The following REV1 variants were observed in gnomAD, a reference collection of about 807,000 sequenced individuals.
REV1 encodes REV1 DNA directed polymerase.
A neutral mutation model predicts 137.4 loss-of-function variants in REV1; 42 were observed. That is an observed-to-expected ratio of 0.31 (90% CI 0.24 to 0.40). The LOEUF is 0.40. REV1 is among the 10% of genes least tolerant of loss of function. The pLI is 1.00. For synonymous variants in REV1, 524 were observed against 519.2 expected (o/e 1.01, Z -0.12); for missense variants, 1,282 against 1,490.1 (o/e 0.86, Z 2.30).
rs770204183 is a variant in REV1 at position 99,452,806 on chromosome 2, C to T, written c.182-3302G>A. Among the ~76,000 whole-genome samples the T allele has an allele frequency of 4.5e-4, 69 of 152,182 alleles. 2 individuals are homozygous for T. The highest frequency in any genetic ancestry group is 1.0e-4 in the Non-Finnish European group (7 of 68,040). ...TACAAGTGGTATAAATACTTAAAAT[C>T]TCAAAACACTTATTCACTCACTCAC... On this transcript the variant is annotated intron_variant, in intron 3 of 22. Transcript: ENST00000258428.
Position 99,439,301 on chromosome 2 carries a change from G to T in REV1, c.513C>A (p.Ile171=). The T allele has an allele frequency of 3.1e-6, 5 of 1,602,966 alleles. No individual in the cohort carries two copies. The East Asian group carries it at 6.7e-5, about 22-fold the overall frequency. ...CATTTTCCGTTTCAATCTTCTTAAC[G>T]ATGTGATTTCTAAAGCAGGAAAAAA... ...AKQLNNRVNH[I]VKKIETENEV... Residue 171 remains isoleucine, a synonymous_variant, in exon 6 of 23, where the codon ATC becomes ATA. Transcript: ENST00000258428.
Position 99,435,305 on chromosome 2 carries a change from T to C in REV1, c.1321+529A>G, listed in dbSNP as rs934190187. On this transcript the variant is annotated intron_variant, in intron 7 of 22. Coordinates refer to ENST00000258428, the MANE Select transcript of REV1 (RefSeq NM_016316.4). ...GGTAAACACTGAAAAACCCAGAATG[T>C]ATGCTTTTTAAAATACTGACTAGTT... Among the ~76,000 whole-genome samples, 4 of 152,178 alleles carry C rather than the reference T, an allele frequency of 2.6e-5. 1 individual carries two copies. The East Asian group carries it at 5.8e-4, about 22-fold the overall frequency.
At chr2:99,419,574 T>C (rs1163593863) in intron 11 of REV1, among the ~76,000 whole-genome samples, 5 of 152,148 alleles carry the variant, frequency 3.3e-5, no homozygotes, top group Admixed American at 1.3e-4. Context: ...GAGTAGTTCA[T>C]GTTCCCAACC....
chr2:99,473,156 A>G (rs987120540), intron 1 of REV1, among the ~76,000 whole-genome samples: 2 of 152,140 alleles, frequency 1.3e-5, no homozygotes, highest in South Asian at 2.1e-4. Flanking sequence ...ATTTGAGGTC[A>G]GGAGTTTGAG....
Position 99,402,301 on chromosome 2 carries a change from T to C in REV1, c.3587A>G (p.Asp1196Gly). The change falls in exon 22 of 23, where the codon GAT becomes GGT. Residue 1196 changes from aspartate (D) to glycine (G), a missense_variant. Coordinates refer to ENST00000258428, the MANE Select transcript of REV1 (RefSeq NM_016316.4). Reference protein sequence around the residue: ...DILQVVKYCTDLIEEKDLEKL... With the variant: ...DILQVVKYCTGLIEEKDLEKL... Reference sequence around the variant, plus strand: ...TTCCAAATCTTTTTCTTCTATTAGATCAGTACAGTATTTCACAACTTGGAG... The same window carrying C: ...TTCCAAATCTTTTTCTTCTATTAGACCAGTACAGTATTTCACAACTTGGAG... 5.9e-6 allele frequency: 9 copies of C among 1,534,038 alleles called. No homozygotes were observed. The highest frequency in any genetic ancestry group is 8.0e-6 in the Non-Finnish European group (9 of 1,119,392).
chr2:99,427,984 C>T (rs1449177524), intron 9 of REV1, among the ~76,000 whole-genome samples: 1 of 152,086 alleles, frequency 6.6e-6, no homozygotes, highest in Non-Finnish European at 1.5e-5. Flanking sequence ...AAACACCCAA[C>T]AGAAGCCTAG....
chr2:99,480,779 C>G (rs1034083261), intron 1 of REV1, among the ~76,000 whole-genome samples: 2 of 151,994 alleles, frequency 1.3e-5, no homozygotes, highest in African/African-American at 4.8e-5. Context: ...TCCAAATAAA[C>G]ATAAAGGAAG....
intron 13 of REV1, 65 bp downstream of exon 13, chr2:99,412,666 T>C: frequency 8.5e-7 from 1 of 1,178,190 alleles, no homozygotes; most frequent in Non-Finnish European, 1.3e-6. Flanking sequence ...GGTTTAGTTG[T>C]AGAGGTAGGA....
chr2:99,443,857 T>A (rs1192387637), intron 4 of REV1, among the ~76,000 whole-genome samples: 1 of 152,198 alleles, frequency 6.6e-6, no homozygotes, highest in East Asian at 1.9e-4. Flanking sequence ...CCTTTTTTTT[T>A]TTTGAGACGG....
intron 9 of REV1, chr2:99,424,648 T>C: frequency 6.4e-6 from 5 of 779,246 alleles, no homozygotes; most frequent in Non-Finnish European, 8.9e-6. Context: ...AAAAAGAGGT[T>C]TTCTTCCCCT....
intron 13 of REV1, 57 bp downstream of exon 13, chr2:99,412,674 G>C: frequency 8.1e-7 from 1 of 1,235,438 alleles, no homozygotes; most frequent in Non-Finnish European, 1.2e-6. Flanking sequence ...TGTAGAGGTA[G>C]GACTATGTAA....
chr2:99,422,007 C>T (rs534993965), intron 10 of REV1, among the ~76,000 whole-genome samples: 6 of 152,226 alleles, frequency 3.9e-5, no homozygotes, highest in South Asian at 2.1e-4. Context: ...AGTTGAAAAC[C>T]GGTGGGTGAA....
intron 14 of REV1, among the ~76,000 whole-genome samples, chr2:99,409,501 C>T (rs1676800532): frequency 6.6e-6 from 1 of 152,134 alleles, no homozygotes; most frequent in Admixed American, 6.5e-5. Flanking sequence ...ATATTGGTCA[C>T]GAATCTTACA....
At chr2:99,406,186 AAAC>A in intron 16 of REV1, 80 bp from the exon 17 acceptor site, 1 of 1,396,056 alleles carries the variant, frequency 7.2e-7, no homozygotes, top group Non-Finnish European at 9.6e-7. Flanking sequence ...ACAAATAAAA[AAAC>A]TTTATTACTG....
intron 9 of REV1, among the ~76,000 whole-genome samples, chr2:99,428,853 G>A (rs1679729388): frequency 6.6e-6 from 1 of 152,102 alleles, no homozygotes; most frequent in South Asian, 2.1e-4. Flanking sequence ...TTAGCCGGGT[G>A]TGGTGGCGAG....
chr2:99,416,896 G>C lies in REV1; in HGVS notation c.1951+1932C>G, dbSNP rs1486279390. ...CCATTGCACTCTAGCCTGGGCAACA[G>C]AGCAAGACTCCATCTCAAAAAAAAA... On this transcript the variant is annotated intron_variant, in intron 12 of 22. Transcript: ENST00000258428. 4.5e-5 allele frequency among the ~76,000 whole-genome samples: 5 copies of C among 111,524 alleles called. No individual in the cohort carries two copies. The Admixed American group carries it at 4.6e-4, about 10-fold the overall frequency. 73.2% of individuals were successfully genotyped at this position (111,524 alleles called of 152,430 possible).
At chr2:99,471,570 A>T (rs541346624) in intron 1 of REV1, among the ~76,000 whole-genome samples, 1 of 152,274 alleles carries the variant, frequency 6.6e-6, no homozygotes, top group East Asian at 1.9e-4. Context: ...GGACTACATA[A>T]AAATTTAAAA....
At chr2:99,475,763 T>C (rs1280898834) in intron 1 of REV1, among the ~76,000 whole-genome samples, 1 of 151,962 alleles carries the variant, frequency 6.6e-6, no homozygotes, top group African/African-American at 2.4e-5. Flanking sequence ...GGTGGGTGGA[T>C]AACAAGGTCA....
intron 8 of REV1, among the ~76,000 whole-genome samples, chr2:99,433,651 CT>C (rs1384387968): frequency 2.0e-5 from 3 of 152,114 alleles, no homozygotes; most frequent in Non-Finnish European, 4.4e-5. Context: ...TAATATATTT[CT>C]GAGAAACTAA....
Sources: gnomAD v4.1 joint callset for allele counts (sites outside exome capture counted in the v4.1 genomes callset) on GRCh38, gnomAD v4.1.1 for gene constraint, MANE v1.5 for transcripts, NCBI Gene and HGNC (gene_info 2026-07-23, HGNC 2026-07-21) for gene names.